MDGA2: variants seen among roughly 807,000 people sequenced by gnomAD.
MDGA2 encodes the protein MAM domain-containing glycosylphosphatidylinositol anchor protein 2.
In MDGA2, 40 loss-of-function variants were observed where a neutral mutation model predicts 117.8. The observed-to-expected ratio is 0.34, with a 90% CI of 0.26 to 0.44. The LOEUF is 0.44. Among genes scored for constraint, MDGA2 ranks in the 20% least tolerant of loss-of-function variants. The probability of loss-of-function intolerance (pLI) is 1.00; values close to 1 mark genes in which losing one functional copy is unlikely to be tolerated. For synonymous variants in MDGA2, 452 were observed against 439.0 expected, an observed-to-expected ratio of 1.03 and a Z score of -0.37; for missense variants, 1,123 against 1,250.6, an observed-to-expected ratio of 0.90 and a Z score of 1.54.
intron 1 of MDGA2, among the ~76,000 whole-genome samples, chr14:47,621,138 C>T (rs1212100486): frequency 6.6e-6 from 1 of 152,128 alleles, no homozygotes; most frequent in Non-Finnish European, 1.5e-5. Context: ...CTCATTAACT[C>T]CCACCACTCA....
chr14:47,162,014 C>T (rs1349563536), intron 3 of MDGA2, among the ~76,000 whole-genome samples: 1 of 138,238 alleles, frequency 7.2e-6, no homozygotes, highest in African/African-American at 2.7e-5. Context: ...GGCACAATCC[C>T]GGCTCACTGC....
intron 1 of MDGA2, among the ~76,000 whole-genome samples, chr14:47,391,239 TTTGA>T (rs1891887398): frequency 6.6e-6 from 1 of 152,196 alleles, no homozygotes; most frequent in African/African-American, 2.4e-5. Flanking sequence ...CTAGCAACTT[TTTGA>T]TTGTGACTGC....
At chr14:47,153,541 G>C (rs956486903) in intron 3 of MDGA2, among the ~76,000 whole-genome samples, 2 of 151,948 alleles carry the variant, frequency 1.3e-5, no homozygotes, top group African/African-American at 4.8e-5. Flanking sequence ...CAATGTACAC[G>C]ACCTAGAGCC....
intron 1 of MDGA2, among the ~76,000 whole-genome samples, chr14:47,530,549 A>G (rs1015137732): frequency 6.6e-6 from 1 of 152,132 alleles, no homozygotes; most frequent in African/African-American, 2.4e-5. Context: ...TCACCTCATA[A>G]TCAAACGATC....
intron 1 of MDGA2, chr14:47,305,980 A>T (rs1298847999): frequency 1.3e-5 from 2 of 152,162 alleles, no homozygotes; most frequent in Non-Finnish European, 1.5e-5. Flanking sequence ...CTCAAAGGCA[A>T]ATCTGAAATA....
intron 11 of MDGA2, among the ~76,000 whole-genome samples, chr14:46,880,403 A>G (rs182402960): frequency 6.6e-6 from 1 of 152,244 alleles, no homozygotes; most frequent in Admixed American, 6.6e-5. Context: ...TGATTCATTC[A>G]AACCTGAAAT....
intron 1 of MDGA2, among the ~76,000 whole-genome samples, chr14:47,418,457 G>C (rs1050992757): frequency 6.6e-6 from 1 of 152,140 alleles, no homozygotes; most frequent in South Asian, 2.1e-4. Context: ...GGCTGTGGTA[G>C]TACCCACTTT....
intron 1 of MDGA2, among the ~76,000 whole-genome samples, chr14:47,351,097 A>C (rs1890869701): frequency 1.1e-5 from 1 of 93,676 alleles, no homozygotes; most frequent in African/African-American, 3.3e-5. Flanking sequence ...TTTTTTTTTG[A>C]AACGAAGTGT....
intron 9 of MDGA2, among the ~76,000 whole-genome samples, chr14:46,925,183 T>C (rs1207730947): frequency 6.6e-6 from 1 of 152,218 alleles, no homozygotes; most frequent in Non-Finnish European, 1.5e-5. Context: ...TTGAAAGACA[T>C]GCTGTCAACT....
intron 1 of MDGA2, among the ~76,000 whole-genome samples, chr14:47,486,230 G>A (rs1049645206): frequency 3.3e-5 from 5 of 152,210 alleles, no homozygotes; most frequent in African/African-American, 2.4e-5. Flanking sequence ...GTGAGACATG[G>A]AAGCAAAGGA....
At chr14:47,097,225 T>C (rs1880027327) in intron 5 of MDGA2, 102 bp from the exon 6 acceptor site, 1 of 1,298,614 alleles carries the variant, frequency 7.7e-7, no homozygotes, top group East Asian at 2.3e-5. Context: ...TAAAATGAAA[T>C]ATAGTCCTCT....
intron 1 of MDGA2, among the ~76,000 whole-genome samples, chr14:47,424,754 C>T (rs1892650716): frequency 6.6e-6 from 1 of 152,166 alleles, no homozygotes; most frequent in South Asian, 2.1e-4. Flanking sequence ...CTTCATGTTT[C>T]TCTTTTCCAT....
At chr14:46,924,692 A>G (rs368534256) in intron 9 of MDGA2, among the ~76,000 whole-genome samples, 27 of 152,270 alleles carry the variant, frequency 1.8e-4, no homozygotes, top group East Asian at 5.8e-4. Context: ...CAGAAAAAAA[A>G]AACTCATACA....
chr14:46,961,937 G>A lies in MDGA2; in HGVS notation c.1820-4294C>T, dbSNP rs183323586. The stretch of plus-strand genomic sequence containing the variant: ...GATTACAGGCGTGAGCCACCGCACC[G>A]GGCCACTGCCTGATAATTTCAATTG... On this transcript the variant is annotated intron_variant, in intron 8 of 16. Coordinates refer to ENST00000399232, the MANE Select transcript of MDGA2 (RefSeq NM_001113498.3). Among the ~76,000 whole-genome samples, 136 of 151,984 alleles carry A rather than the reference G, an allele frequency of 8.9e-4. 1 individual carries two copies. The highest frequency in any genetic ancestry group is 3.0e-3 in the African/African-American group (125 of 41,470).
At position 47,026,131 on chromosome 14, in the gene MDGA2, T is replaced by C. The variant is rs554789662; in HGVS notation, c.1819+8880A>G. 9.7e-4 allele frequency among the ~76,000 whole-genome samples: 147 copies of C among 152,312 alleles called. 2 individuals are homozygous for C. The highest frequency in any genetic ancestry group is 3.3e-3 in the African/African-American group (139 of 41,580). On this transcript the variant is annotated intron_variant, in intron 8 of 16. Coordinates refer to ENST00000399232, the MANE Select transcript of MDGA2 (RefSeq NM_001113498.3). ...GTGGCTAGTACTAAATATTAAAATA[T>C]GATATTACATCAAACAATTGATAAT...
intron 10 of MDGA2, among the ~76,000 whole-genome samples, chr14:46,908,187 C>A (rs1363198474): frequency 6.6e-6 from 1 of 152,058 alleles, no homozygotes; most frequent in Non-Finnish European, 1.5e-5. Flanking sequence ...ATTTCAGAAG[C>A]TAAAAATGTA....
chr14:47,367,683 A>C (rs185423633), intron 1 of MDGA2, among the ~76,000 whole-genome samples: 1 of 152,232 alleles, frequency 6.6e-6, no homozygotes, highest in Admixed American at 6.5e-5. Context: ...AACAAATCTC[A>C]TCTACACAAG....
At chr14:46,978,696 T>C (rs1196005756) in intron 8 of MDGA2, among the ~76,000 whole-genome samples, 1 of 152,064 alleles carries the variant, frequency 6.6e-6, no homozygotes, top group Non-Finnish European at 1.5e-5. Context: ...TGCCAAGTCA[T>C]AGTTGCTGCA....
chr14:47,137,849 T>C (rs907838783), intron 4 of MDGA2, among the ~76,000 whole-genome samples: 2 of 152,118 alleles, frequency 1.3e-5, no homozygotes. Flanking sequence ...TTAAAATGAT[T>C]TCCTGCAGTC....
Sources: gnomAD v4.1 joint callset for allele counts (sites outside exome capture counted in the v4.1 genomes callset) on GRCh38, gnomAD v4.1.1 for gene constraint, MANE v1.5 for transcripts, NCBI Gene and HGNC (gene_info 2026-07-23, HGNC 2026-07-21) for gene names.